The following GRID2 variants were observed in gnomAD, a reference collection of about 807,000 sequenced individuals.
GRID2 encodes the protein glutamate ionotropic receptor delta type subunit 2.
GRID2 carries 33 observed loss-of-function variants against 114.8 expected under a neutral mutation model. That is an observed-to-expected ratio of 0.29 (90% confidence interval 0.22 to 0.38). The LOEUF (loss-of-function observed/expected upper bound fraction) is 0.38. GRID2 is among the 10% of genes least tolerant of loss of function. GRID2 has a pLI of 1.00. For missense variants in GRID2, 1,184 were observed against 1,257.7 expected (o/e 0.94, Z 0.89); for synonymous variants, 505 against 449.9 (o/e 1.12, Z -1.55).
At chr4:93,738,670 G>A (rs1314788616) in intron 14 of GRID2, among the ~76,000 whole-genome samples, 1 of 152,112 alleles carries the variant, frequency 6.6e-6, no homozygotes, top group Admixed American at 6.6e-5. Flanking sequence ...ACTTGCAGAT[G>A]TGCACACTTG....
chr4:93,201,997 T>C (rs1169376556), intron 4 of GRID2, among the ~76,000 whole-genome samples: 3 of 152,148 alleles, frequency 2.0e-5, no homozygotes, highest in Non-Finnish European at 4.4e-5. Flanking sequence ...TAATTTGTTA[T>C]AATTACATTG....
At chr4:92,848,121 T>C (rs72663592) in intron 2 of GRID2, among the ~76,000 whole-genome samples, 1 of 152,094 alleles carries the variant, frequency 6.6e-6, no homozygotes, top group Non-Finnish European at 1.5e-5. Context: ...ATCTCTTCCA[T>C]TTCCACAGTC....
intron 1 of GRID2, among the ~76,000 whole-genome samples, chr4:92,451,463 A>G (rs1720921334): frequency 6.6e-6 from 1 of 152,312 alleles, no homozygotes; most frequent in Non-Finnish European, 1.5e-5. Flanking sequence ...TTTATAGTAT[A>G]TAAATCACTT....
chr4:92,808,560 C>T (rs555539266), intron 2 of GRID2, among the ~76,000 whole-genome samples: 5 of 151,970 alleles, frequency 3.3e-5, no homozygotes, highest in Admixed American at 1.3e-4. Context: ...TCGGAAGAAA[C>T]TTTCAAGTCA....
At chr4:93,325,047 T>C (rs1347803283) in intron 8 of GRID2, among the ~76,000 whole-genome samples, 1 of 152,186 alleles carries the variant, frequency 6.6e-6, no homozygotes, top group African/African-American at 2.4e-5. Flanking sequence ...TCAGTTCTGC[T>C]CCGATCTTAG....
intron 4 of GRID2, among the ~76,000 whole-genome samples, chr4:93,123,567 C>T (rs1254730389): frequency 6.6e-6 from 1 of 152,062 alleles, no homozygotes; most frequent in Non-Finnish European, 1.5e-5. Context: ...GATATAGACT[C>T]ATAAGGAAAA....
At chr4:92,844,114 T>A (rs970513433) in intron 2 of GRID2, among the ~76,000 whole-genome samples, 3 of 152,012 alleles carry the variant, frequency 2.0e-5, no homozygotes, top group Non-Finnish European at 4.4e-5. Flanking sequence ...TTGCTTGAAA[T>A]TTTGAAATTT....
chr4:93,049,326 T>G (rs766703411), intron 2 of GRID2, among the ~76,000 whole-genome samples: 1 of 152,052 alleles, frequency 6.6e-6, no homozygotes, highest in Non-Finnish European at 1.5e-5. Flanking sequence ...TAATTAAATA[T>G]CAAATTTTCT....
At chr4:93,158,395 TGCTTCTCATTGTCACATGATA>T (rs1367375567) in intron 4 of GRID2, among the ~76,000 whole-genome samples, 1 of 151,826 alleles carries the variant, frequency 6.6e-6, no homozygotes, top group Non-Finnish European at 1.5e-5. Context: ...AATCTGTTTT[TGCTTCTCATTGTCACATGATA>T]GCTTTTCATT....
At chr4:93,076,870 G>C (rs775756828) in intron 2 of GRID2, among the ~76,000 whole-genome samples, 2 of 151,684 alleles carry the variant, frequency 1.3e-5, no homozygotes, top group African/African-American at 4.8e-5. Flanking sequence ...CACCTGCTTC[G>C]GCCCAACCTC....
At chr4:93,634,782 G>T (rs1721266955) in intron 14 of GRID2, among the ~76,000 whole-genome samples, 2 of 151,950 alleles carry the variant, frequency 1.3e-5, no homozygotes, top group African/African-American at 2.4e-5. Context: ...TTAGGAAAAG[G>T]GATTAGAAAA....
At chr4:92,537,796 T>G (rs981471626) in intron 1 of GRID2, among the ~76,000 whole-genome samples, 34 of 142,192 alleles carry the variant, frequency 2.4e-4, no homozygotes, top group African/African-American at 9.7e-4. Context: ...TGTGTGTGTG[T>G]GTGTGTGTGT....
intron 1 of GRID2, among the ~76,000 whole-genome samples, chr4:92,586,241 G>A (rs995648284): frequency 6.6e-6 from 1 of 151,870 alleles, no homozygotes; most frequent in South Asian, 2.1e-4. Context: ...TTGTTGAGTT[G>A]GTTAGGTTAG....
At chr4:92,926,304 A>G (rs953445927) in intron 2 of GRID2, among the ~76,000 whole-genome samples, 1 of 152,018 alleles carries the variant, frequency 6.6e-6, no homozygotes, top group Non-Finnish European at 1.5e-5. Context: ...ACATTCTGCA[A>G]TCAGCTAAGA....
At chr4:93,792,511 A>G (rs1337863932) in intron 1 of GRID2, among the ~76,000 whole-genome samples, 1 of 152,084 alleles carries the variant, frequency 6.6e-6, no homozygotes, top group African/African-American at 2.4e-5. Flanking sequence ...CCTCACCTAC[A>G]TTAGGCCAAT....
intron 1 of GRID2, among the ~76,000 whole-genome samples, chr4:92,469,108 A>G (rs1425167226): frequency 6.6e-6 from 1 of 152,166 alleles, no homozygotes; most frequent in African/African-American, 2.4e-5. Context: ...ACTACCTAAC[A>G]TACTTAAGAA....
Position 93,769,508 on chromosome 4 carries a change from G to A in GRID2, c.2601+58G>A, listed in dbSNP as rs181521912. 106 of 1,567,806 alleles carry A rather than the reference G, an allele frequency of 6.8e-5. No homozygotes were observed. In the East Asian group the frequency reaches 2.1e-3, roughly 31 times the overall value. The stretch of plus-strand genomic sequence containing the variant: ...ATCAACAAGCAGGCTGTATTTCCAG[G>A]GAGGACCATCCCAGGGAGGATAATG... On this transcript the variant is annotated intron_variant, in intron 15 of 15. Coordinates refer to ENST00000282020, the MANE Select transcript of GRID2 (RefSeq NM_001510.4).
chr4:92,479,242 A>T (rs1234128992), intron 1 of GRID2, among the ~76,000 whole-genome samples: 1 of 152,152 alleles, frequency 6.6e-6, no homozygotes, highest in African/African-American at 2.4e-5. Flanking sequence ...GGAAATAATT[A>T]CATGGTTTTT....
intron 2 of GRID2, among the ~76,000 whole-genome samples, chr4:93,079,816 T>C (rs1308298761): frequency 6.6e-6 from 1 of 152,080 alleles, no homozygotes; most frequent in Non-Finnish European, 1.5e-5. Flanking sequence ...AGTGAAAAAA[T>C]AGTTGACTGA....
Sources: allele counts gnomAD v4.1 joint callset (sites outside exome capture counted in the v4.1 genomes callset), GRCh38; gene constraint gnomAD v4.1.1; transcripts MANE v1.5; gene names NCBI Gene and HGNC (gene_info 2026-07-23, HGNC 2026-07-21).